The following NUP188 variants were observed in gnomAD, a reference collection of about 807,000 sequenced individuals.
The protein encoded by NUP188 is nucleoporin 188, also known as nucleoporin NUP188.
A neutral mutation model predicts 223.0 loss-of-function variants in NUP188; 97 were observed. That is an observed-to-expected ratio of 0.43 (90% CI 0.37 to 0.51). The LOEUF is 0.51. NUP188 is among the 20% of genes least tolerant of loss of function. The pLI, the probability that NUP188 is intolerant of heterozygous loss-of-function variation, is 0.00. For synonymous variants in NUP188, 869 were observed against 828.0 expected (o/e 1.05, Z -0.85); for missense variants, 1,947 against 2,175.6 (o/e 0.89, Z 2.09).
intron 17 of NUP188, 59 bp downstream of exon 17, chr9:128,983,087 C>G: frequency 6.2e-7 from 1 of 1,600,974 alleles, no homozygotes; most frequent in Admixed American, 1.7e-5. Flanking sequence ...CTTGTGCCCT[C>G]AGTTTGCAGG....
At chr9:128,952,438 T>A (rs1022050072) in intron 2 of NUP188, among the ~76,000 whole-genome samples, 1 of 150,482 alleles carries the variant, frequency 6.6e-6, no homozygotes, top group Non-Finnish European at 1.5e-5. Context: ...AAACTGCATT[T>A]GCGGTCGGGT....
At chr9:128,958,753 T>C in intron 6 of NUP188, 49 bp from the exon 7 acceptor site, 1 of 1,017,618 alleles carries the variant, frequency 9.8e-7, no homozygotes. Flanking sequence ...AAACTTGAGT[T>C]TCCTATGTGC....
intron 20 of NUP188, among the ~76,000 whole-genome samples, chr9:128,985,996 G>A (rs185772472): frequency 4.1e-4 from 63 of 152,162 alleles, no homozygotes; most frequent in Admixed American, 3.7e-3. Context: ...TCGAGATCAC[G>A]CCATTGCACT....
At chr9:128,986,346 A>C (rs1842333006) in intron 20 of NUP188, among the ~76,000 whole-genome samples, 4 of 152,032 alleles carry the variant, frequency 2.6e-5, no homozygotes, top group Admixed American at 2.6e-4. Context: ...CTTTTGTGAC[A>C]TTCTCTTTCA....
intron 8 of NUP188, among the ~76,000 whole-genome samples, chr9:128,963,963 T>A (rs1841992334): frequency 6.6e-6 from 1 of 151,944 alleles, no homozygotes; most frequent in Non-Finnish European, 1.5e-5. Context: ...ACTACAGGCA[T>A]GCCACCACGT....
At chr9:128,973,367 A>C in intron 12 of NUP188, 118 bp downstream of exon 12, 2 of 643,972 alleles carry the variant, frequency 3.1e-6, no homozygotes, top group South Asian at 4.1e-5. Flanking sequence ...GTTTACTGGC[A>C]CTCATTTTTT....
In NUP188 at chr9:128,959,074, G is replaced by A; in HGVS notation, c.525G>A (p.Gln175=). The change falls in exon 8 of 44, where the codon CAG becomes CAA. Residue 175 remains glutamine (Q), a synonymous_variant. Coordinates refer to ENST00000372577, the MANE Select transcript of NUP188 (RefSeq NM_015354.3). ...AGGAACTAGTTTCAAAATACAGACA[G>A]CAGTTCGAAGAGCTTTATAAAACTG... ...LEKELVSKYR[Q]QFEELYKTEA... The A allele has an allele frequency of 6.2e-7, 1 of 1,603,020 alleles. No individual in the cohort carries two copies. Among genetic ancestry groups the A allele is most frequent in the Admixed American group, 1.7e-5 (1 of 59,450 alleles).
chr9:128,947,976 C>G, intron 1 of NUP188: 1 of 392,380 alleles, frequency 2.5e-6, no homozygotes, highest in Non-Finnish European at 4.5e-6. Flanking sequence ...CCCTTCCCTC[C>G]GCGCTCGGCC....
intron 43 of NUP188, 63 bp from the exon 44 acceptor site, chr9:129,006,439 C>T (rs1051889279): frequency 1.7e-5 from 28 of 1,612,026 alleles, no homozygotes; most frequent in Non-Finnish European, 2.3e-5. Context: ...GCCTGGCAAC[C>T]CCCAAGGGTC....
chr9:128,951,752 C>T (rs1373639148), intron 2 of NUP188, among the ~76,000 whole-genome samples: 1 of 150,420 alleles, frequency 6.6e-6, no homozygotes, highest in Non-Finnish European at 1.5e-5. Flanking sequence ...TAAAAACACT[C>T]AAAGGAATGT....
chr9:128,977,723 G>T (rs969163363), intron 12 of NUP188, among the ~76,000 whole-genome samples: 2 of 151,832 alleles, frequency 1.3e-5, no homozygotes, highest in Non-Finnish European at 2.9e-5. Flanking sequence ...TGCTTAAACC[G>T]GGGAGGCGGA....
In NUP188 at chr9:128,973,972, G is replaced by A. The variant is rs1842137366; in HGVS notation, c.1203+723G>A. Among the ~76,000 whole-genome samples, 4 of 151,850 alleles carry A rather than the reference G, an allele frequency of 2.6e-5. No individual in the cohort carries two copies. In the South Asian group the frequency reaches 8.4e-4, roughly 32 times the overall value. On this transcript the variant is annotated intron_variant, in intron 12 of 43. Transcript: ENST00000372577. The stretch of plus-strand genomic sequence containing the variant: ...GTTGCTCAGGCTAGAGTGCAGTGAC[G>A]CGATCTCGGCTCACTGCAACCTCTG...
At chr9:128,951,813 A>G (rs1377481496) in intron 2 of NUP188, among the ~76,000 whole-genome samples, 5 of 144,374 alleles carry the variant, frequency 3.5e-5, no homozygotes, top group African/African-American at 1.3e-4. Context: ...TTTTTTTGAG[A>G]CGGAGTTTCG....
At position 128,999,272 on chromosome 9, in the gene NUP188, G is replaced by C; in HGVS notation, c.3616G>C (p.Val1206Leu). Residue 1206 changes from valine (V) to leucine (L), a missense_variant, in exon 33 of 44, where the codon GTG (valine) becomes CTG (leucine). Physicochemically the swap from Val to Leu is conservative, Grantham distance 32 (BLOSUM62 1). This residue lies in a region of NUP188 where 905 missense variants were observed against 990.6 expected (regional missense o/e 0.91). Coordinates refer to ENST00000372577, the MANE Select transcript of NUP188 (RefSeq NM_015354.3). ...QQLMEKTKAK[V>L]FSAFITVLQM... ...ACTCATGGAGAAGACCAAGGCCAAGGTGTTCTCAGCATTCATCACAGTGTT... is the reference window on the plus strand; with the variant it reads ...ACTCATGGAGAAGACCAAGGCCAAGCTGTTCTCAGCATTCATCACAGTGTT... 6.2e-7 allele frequency: 1 copy of C among 1,614,194 alleles called. No individual in the cohort carries two copies. The highest frequency in any genetic ancestry group is 1.3e-5 in the African/African-American group (1 of 75,050).
chr9:128,989,965 A>G (rs1217836944), intron 24 of NUP188, among the ~76,000 whole-genome samples, 155 bp from the exon 25 acceptor site: 1 of 152,212 alleles, frequency 6.6e-6, no homozygotes, highest in Non-Finnish European at 1.5e-5. Context: ...CTCAATCAAG[A>G]GAAGGATACA....
At position 128,981,314 on chromosome 9, in the gene NUP188, C is replaced by T; in HGVS notation, c.1440C>T (p.His480=). ...CTTTCTACAATGAACTTTATAAACA[C>T]AAGCCTCATGATGTGATCTCCCATG... is the stretch of plus-strand genomic sequence containing the variant. ...KMSFYNELYK[H]KPHDVISHED... Residue 480 remains histidine, a synonymous_variant, in exon 15 of 44, where the codon CAC becomes CAT. Transcript: ENST00000372577. The T allele has an allele frequency of 6.2e-7, 1 of 1,613,962 alleles. No individual in the cohort carries two copies. Among genetic ancestry groups the T allele is most frequent in the Non-Finnish European group, 8.5e-7 (1 of 1,179,852 alleles).
At chr9:128,965,059 G>A (rs1490671475) in intron 8 of NUP188, among the ~76,000 whole-genome samples, 1 of 152,160 alleles carries the variant, frequency 6.6e-6, no homozygotes, top group Admixed American at 6.6e-5. Context: ...TATGGCTCCT[G>A]CCTTTTGGAG....
At chr9:128,986,263 C>G (rs1317049341) in intron 20 of NUP188, among the ~76,000 whole-genome samples, 1 of 152,090 alleles carries the variant, frequency 6.6e-6, no homozygotes, top group Non-Finnish European at 1.5e-5. Flanking sequence ...ATCAGCAATC[C>G]TCTATCCTTT....
Position 129,005,338 on chromosome 9 carries a change from C to A in NUP188, c.4545C>A (p.Ala1515=). The A allele has an allele frequency of 6.2e-7, 1 of 1,614,078 alleles. No homozygotes were observed. The highest frequency in any genetic ancestry group is 1.1e-5 in the South Asian group (1 of 91,086). The part of the protein sequence containing the change: ...KNGDGLPSAV[A]QRVQRPPSAA... ...GGGATGGCCTCCCCTCAGCTGTTGC[C>A]CAGCGAGTCCAGAGGCCACCGTCTG... is the stretch of plus-strand genomic sequence containing the variant. The change falls in exon 40 of 44, where the codon GCC becomes GCA. Residue 1515 remains alanine, a synonymous_variant. Transcript: ENST00000372577.
Sources: allele counts gnomAD v4.1 joint callset (sites outside exome capture counted in the v4.1 genomes callset), GRCh38; gene constraint gnomAD v4.1.1; regional missense constraint gnomAD v4.1.1; transcripts MANE v1.5; gene names NCBI Gene and HGNC (gene_info 2026-07-23, HGNC 2026-07-21).